Variants in MYO1H observed in about 807,000 individuals in gnomAD.
The protein encoded by MYO1H is myosin IH.
In MYO1H, 118 loss-of-function variants were observed where a neutral mutation model predicts 149.3. That is an observed-to-expected ratio of 0.79 (90% CI 0.68 to 0.92). The LOEUF is 0.92. Among genes scored for constraint, MYO1H ranks in the 40% least tolerant of loss-of-function variants. The pLI is 0.00. For synonymous variants in MYO1H, 447 were observed against 465.2 expected (o/e 0.96, Z 0.50); for missense variants, 1,212 against 1,280.7 (o/e 0.95, Z 0.82).
intron 3 of MYO1H, among the ~76,000 whole-genome samples, chr12:109,395,458 A>T (rs1269045169): frequency 6.6e-6 from 1 of 152,144 alleles, no homozygotes; most frequent in Non-Finnish European, 1.5e-5. Flanking sequence ...TTTTCAGGCC[A>T]GGCGCGGTGG....
At position 109,431,129 on chromosome 12, in the gene MYO1H, C is replaced by T. The variant is rs546258913; in HGVS notation, c.1950-1768C>T. Among the ~76,000 whole-genome samples, 31 of 151,524 alleles carry T rather than the reference C, an allele frequency of 2.0e-4. No homozygotes were observed. In the Middle Eastern group the frequency reaches 0.01, roughly 50 times the overall value. Reference sequence around the variant, plus strand: ...GCACGGTGGCTCACACCTGTAATCCCAGCGCTTTGGGAGGCCGAAGTGGGT... The same window carrying T: ...GCACGGTGGCTCACACCTGTAATCCTAGCGCTTTGGGAGGCCGAAGTGGGT... On this transcript the variant is annotated intron_variant, in intron 19 of 31. Coordinates refer to ENST00000310903, the Ensembl canonical transcript of MYO1H.
At chr12:109,443,125 CGT>C (rs148950307) in intron 27 of MYO1H, among the ~76,000 whole-genome samples, 4,710 of 37,506 alleles carry the variant, frequency 0.13, 1,304 homozygotes, top group Middle Eastern at 0.18. Context: ...TATATGTGTA[CGT>C]ATATATGTGT....
intron 1 of MYO1H, among the ~76,000 whole-genome samples, chr12:109,362,057 C>T (rs1868765818): frequency 7.1e-6 from 1 of 140,452 alleles, no homozygotes; most frequent in Non-Finnish European, 1.6e-5. Context: ...GGGCAGATTG[C>T]CTTCTGTTTA....
chr12:109,419,702 C>G (rs1871088068), intron 15 of MYO1H, among the ~76,000 whole-genome samples: 1 of 151,960 alleles, frequency 6.6e-6, no homozygotes, highest in African/African-American at 2.4e-5. Flanking sequence ...CATGCACCAC[C>G]ACACGCAGCT....
Position 109,421,047 on chromosome 12 carries a change from GTA to G in MYO1H, c.1644+22_1644+23del. ...AAAGAAGTAAGTCTGACACTTAACT[GTA>G]TGTGTTTCTGATTATTTTGAAATAT... is the stretch of plus-strand genomic sequence containing the variant. On this transcript the variant is annotated intron_variant, in intron 16 of 31. Transcript: ENST00000310903. The G allele has an allele frequency of 2.0e-6, 3 of 1,477,112 alleles. No individual in the cohort carries two copies. Among genetic ancestry groups the G allele is most frequent in the Non-Finnish European group, 2.8e-6 (3 of 1,067,716 alleles). The allele number at this position is 1,477,112 out of a possible 1,614,324, so 91.5% of individuals were successfully genotyped here. A position where few individuals can be genotyped will look rare whatever the true frequency, so the allele number is the denominator to read the frequency against.
At chr12:109,399,430 A>G (rs1479324139) in intron 5 of MYO1H, among the ~76,000 whole-genome samples, 1 of 151,542 alleles carries the variant, frequency 6.6e-6, no homozygotes, top group Non-Finnish European at 1.5e-5. Context: ...TGTCTCTAAT[A>G]AAAATATGAA....
intron 22 of MYO1H, among the ~76,000 whole-genome samples, chr12:109,437,377 C>T (rs1871904605): frequency 6.6e-6 from 1 of 152,104 alleles, no homozygotes; most frequent in South Asian, 2.1e-4. Context: ...TTTTGGGTGA[C>T]ATTTTTGCAC....
chr12:109,440,845 G>T lies in MYO1H; in HGVS notation c.2538+18G>T, dbSNP rs749899856. 7 of 1,543,506 alleles carry T rather than the reference G, an allele frequency of 4.5e-6. No individual in the cohort carries two copies. The South Asian group carries it at 6.0e-5, about 13-fold the overall frequency. On this transcript the variant is annotated intron_variant, in intron 25 of 31. Transcript: ENST00000310903. ...AAGCAATGGTAGGGACATGATGTCT[G>T]CGGTGGCCGGTGGTGGGGGTGGGTG...
rs1870369389 is a variant in MYO1H at position 109,406,039 on chromosome 12, A to T, written c.963+4A>T. ...TGAGATCAAGTGGATAGCCAAGGTGATGCTCCTCTTTTGGAGAGGACAGAA... is the reference window on the plus strand; with the variant it reads ...TGAGATCAAGTGGATAGCCAAGGTGTTGCTCCTCTTTTGGAGAGGACAGAA... On this transcript the variant is annotated splice_donor_region_variant and intron_variant, in intron 8 of 31. Transcript: ENST00000310903. The T allele has an allele frequency of 1.9e-6, 3 of 1,600,168 alleles. No homozygotes were observed. Among genetic ancestry groups the T allele is most frequent in the Non-Finnish European group, 2.6e-6 (3 of 1,167,644 alleles).
chr12:109,365,912 C>T lies in MYO1H; in HGVS notation c.12+17940C>T, dbSNP rs116458961. Among the ~76,000 whole-genome samples, 1,442 of 152,230 alleles carry T rather than the reference C, an allele frequency of 9.5e-3. 20 individuals carry two copies. Among genetic ancestry groups the T allele is most frequent in the African/African-American group, 0.033 (1,354 of 41,524 alleles). On this transcript the variant is annotated intron_variant, in intron 1 of 31. Coordinates refer to ENST00000310903, the Ensembl canonical transcript of MYO1H. ...GTGGTGGGTGAGCTAGCATCACTGC[C>T]GATGCTCCGCCTCCTGTTAGATCCG...
the MYO1H span, among the ~76,000 whole-genome samples, chr12:109,316,626 G>A: frequency 5.3e-5 from 8 of 152,082 alleles, no homozygotes; most frequent in Non-Finnish European, 1.2e-4. Flanking sequence ...AATCCCATAG[G>A]GATGGGGTAT....
the MYO1H span, among the ~76,000 whole-genome samples, chr12:109,341,313 A>G: frequency 6.6e-6 from 1 of 151,432 alleles, no homozygotes; most frequent in East Asian, 1.9e-4. Flanking sequence ...TAATTCTTGC[A>G]GTTTTCACAT....
chr12:109,390,225 T>A (rs78810353), intron 2 of MYO1H, among the ~76,000 whole-genome samples: 1 of 151,358 alleles, frequency 6.6e-6, no homozygotes, highest in Admixed American at 6.6e-5. Flanking sequence ...TTTTTTTTTT[T>A]GAGTTGGGTC....
chr12:109,430,348 T>C (rs1421305394), intron 19 of MYO1H, among the ~76,000 whole-genome samples: 1 of 152,174 alleles, frequency 6.6e-6, no homozygotes, highest in East Asian at 1.9e-4. Context: ...GTTGAAGACA[T>C]AAGGTACTAG....
In MYO1H at chr12:109,371,753, A is replaced by G. The variant is rs574233165; in HGVS notation, c.13-16930A>G. Among the ~76,000 whole-genome samples the G allele has an allele frequency of 1.1e-3, 175 of 152,338 alleles. 1 individual carries two copies. Among genetic ancestry groups the G allele is most frequent in the Admixed American group, 9.1e-4 (14 of 15,308 alleles). On this transcript the variant is annotated intron_variant, in intron 1 of 31. Coordinates refer to ENST00000310903, the Ensembl canonical transcript of MYO1H. Reference sequence around the variant, plus strand: ...ATATACTTTCAAATTACATTTCATAAAGATTCTATAATATATACACCTTCT... The same window carrying G: ...ATATACTTTCAAATTACATTTCATAGAGATTCTATAATATATACACCTTCT...
the MYO1H span, among the ~76,000 whole-genome samples, chr12:109,342,126 CTTTT>C: frequency 1.6e-5 from 2 of 126,058 alleles, no homozygotes; most frequent in African/African-American, 3.2e-5. Flanking sequence ...AAATTTGATT[CTTTT>C]TTTTTTTTTT....
exon 13 of MYO1H, chr12:109,410,724 T>C: frequency 6.2e-7 from 1 of 1,602,662 alleles, no homozygotes; most frequent in South Asian, 1.1e-5. Context: ...CAAGATCATC[T>C]GTGATTTGGT....
At chr12:109,392,532 G>T (rs1257327789) in intron 2 of MYO1H, among the ~76,000 whole-genome samples, 2 of 152,088 alleles carry the variant, frequency 1.3e-5, no homozygotes, top group Non-Finnish European at 2.9e-5. Context: ...AGACCAGCCT[G>T]GCCAACATGG....
At chr12:109,387,146 G>T (rs912324807) in intron 1 of MYO1H, among the ~76,000 whole-genome samples, 1 of 151,914 alleles carries the variant, frequency 6.6e-6, no homozygotes, top group Admixed American at 6.6e-5. Flanking sequence ...GCCCAGGCTG[G>T]TCTCCAACTC....
Sources: gnomAD v4.1 joint callset for allele counts (sites outside exome capture counted in the v4.1 genomes callset) on GRCh38, gnomAD v4.1.1 for gene constraint, MANE v1.5 for transcripts, NCBI Gene and HGNC (gene_info 2026-07-23, HGNC 2026-07-21) for gene names.